FLACC1: variants seen among roughly 807,000 people sequenced by gnomAD.
The protein encoded by FLACC1 is flagellum associated containing coiled-coil domains 1.
A neutral mutation model predicts 62.8 loss-of-function variants in FLACC1; 66 were observed. The observed-to-expected ratio is 1.05, with a 90% CI of 0.86 to 1.29. FLACC1 has a LOEUF of 1.29. Among genes scored for constraint, FLACC1 ranks in the 50% most tolerant of loss-of-function variants. The pLI is 0.00. For synonymous variants in FLACC1, 156 were observed against 161.0 expected (o/e 0.97, Z 0.24); for missense variants, 452 against 489.1 (o/e 0.92, Z 0.71).
chr2:201,315,664 A>G (rs1419729391), intron 9 of FLACC1, among the ~76,000 whole-genome samples: 1 of 152,180 alleles, frequency 6.6e-6, no homozygotes, highest in Non-Finnish European at 1.5e-5. Context: ...GAAAGTTAAC[A>G]AAGAAACAAT....
intron 3 of FLACC1, among the ~76,000 whole-genome samples, 155 bp from the exon 4 acceptor site, chr2:201,348,457 G>A (rs904171863): frequency 2.0e-5 from 3 of 152,100 alleles, no homozygotes; most frequent in South Asian, 2.1e-4. Flanking sequence ...CACTGAAGCC[G>A]GGCTCCTGAG....
In FLACC1 at chr2:201,346,551, C is replaced by A; in HGVS notation, c.359G>T (p.Arg120Ile). The A allele has an allele frequency of 6.2e-7, 1 of 1,613,960 alleles. No homozygotes were observed. Among genetic ancestry groups the A allele is most frequent in the Non-Finnish European group, 8.5e-7 (1 of 1,179,970 alleles). ...GCTGCAACAGCATTACCTGGAAAAT[C>A]TGCCTTTGTCCGGGATCTCCGATTC... ...RWESEIPDKG[R>I]FSRTNIISDL... The change falls in exon 5 of 15, where the codon AGA becomes ATA. Residue 120 changes from arginine to isoleucine, a missense_variant. By Grantham distance (97) the Arg-to-Ile change is moderately conservative. Coordinates refer to ENST00000392257, the MANE Select transcript of FLACC1 (RefSeq NM_001127391.3). The surrounding 1 kb of genome is among the most constrained non-coding windows in gnomAD (Gnocchi z 4.0).
intron 9 of FLACC1, among the ~76,000 whole-genome samples, chr2:201,315,775 C>T (rs1003542334): frequency 2.6e-5 from 4 of 152,120 alleles, no homozygotes; most frequent in Non-Finnish European, 4.4e-5. Flanking sequence ...GCATATGGAA[C>T]TTTCTCCCAG....
rs1003863443 is a variant in FLACC1, at chr2:201,289,696, C to T, written c.1032G>A (p.Glu344=). ...CATCCCCACTCCAGTAGGGACTCAC[C>T]TCTTTCTGGAGTTCCAACTGGGTAT... The part of the protein sequence containing the change: ...LYYTQLELQK[E]KAIVGNLEKM... Residue 344 remains glutamate (E), a splice_region_variant and synonymous_variant, in exon 13 of 15, where the codon GAG becomes GAA. Transcript: ENST00000392257. The T allele has an allele frequency of 9.9e-6, 16 of 1,613,456 alleles. No homozygotes were observed. Among genetic ancestry groups the T allele is most frequent in the Non-Finnish European group, 1.3e-5 (15 of 1,179,708 alleles).
chr2:201,308,161 G>GT (rs1459821816), intron 10 of FLACC1, among the ~76,000 whole-genome samples: 2 of 152,206 alleles, frequency 1.3e-5, no homozygotes, highest in East Asian at 3.9e-4. Flanking sequence ...GTCTGACAGC[G>GT]TAAGCCTCTG....
intron 9 of FLACC1, among the ~76,000 whole-genome samples, chr2:201,314,802 T>TGTA (rs967293067): frequency 2.1e-4 from 32 of 152,228 alleles, no homozygotes; most frequent in Admixed American, 1.3e-3. Flanking sequence ...CCAGGTAACC[T>TGTA]GTAAAGGAAA....
intron 7 of FLACC1, among the ~76,000 whole-genome samples, chr2:201,339,215 C>T (rs1286320195): frequency 6.6e-6 from 1 of 152,040 alleles, no homozygotes; most frequent in African/African-American, 2.4e-5. Context: ...TATAGTTGTT[C>T]ATAATAGTCT....
the FLACC1 span, among the ~76,000 whole-genome samples, chr2:201,362,553 T>C: frequency 1.3e-5 from 2 of 152,122 alleles, no homozygotes; most frequent in African/African-American, 2.4e-5. Context: ...AGTGAAGCCC[T>C]AGTACATGGG....
chr2:201,322,200 C>T (rs981521439), intron 9 of FLACC1, among the ~76,000 whole-genome samples: 7 of 148,988 alleles, frequency 4.7e-5, no homozygotes, highest in South Asian at 4.3e-4. Flanking sequence ...ACCCAGGAGG[C>T]GGAGATTGCA....
chr2:201,338,851 G>A (rs1405106004), intron 7 of FLACC1, among the ~76,000 whole-genome samples: 1 of 152,180 alleles, frequency 6.6e-6, no homozygotes, highest in East Asian at 1.9e-4. Context: ...GTTCATCAGA[G>A]ATATTGATCC....
chr2:201,311,170 A>G (rs1950210549), intron 9 of FLACC1, among the ~76,000 whole-genome samples: 1 of 151,984 alleles, frequency 6.6e-6, no homozygotes. Flanking sequence ...AAAAAAAAAA[A>G]AAATCCTGGG....
At chr2:201,293,750 A>G (rs1472296227) in intron 12 of FLACC1, among the ~76,000 whole-genome samples, 1 of 152,160 alleles carries the variant, frequency 6.6e-6, no homozygotes, top group Non-Finnish European at 1.5e-5. Context: ...TTTTGAAAAG[A>G]TCAACAAAAT....
chr2:201,321,833 TC>T (rs1950409550), intron 9 of FLACC1, among the ~76,000 whole-genome samples: 1 of 152,108 alleles, frequency 6.6e-6, no homozygotes, highest in Admixed American at 6.5e-5. Flanking sequence ...AACTCACTCC[TC>T]CAGCCACCTC....
At chr2:201,352,908 G>A (rs1363694073) in intron 1 of FLACC1, among the ~76,000 whole-genome samples, 1 of 152,188 alleles carries the variant, frequency 6.6e-6, no homozygotes, top group African/African-American at 2.4e-5. Flanking sequence ...AAAGGTCCAG[G>A]AGCCAAGGAA....
intron 12 of FLACC1, among the ~76,000 whole-genome samples, chr2:201,297,678 T>C (rs1949894086): frequency 6.6e-6 from 1 of 152,166 alleles, no homozygotes; most frequent in African/African-American, 2.4e-5. Context: ...AGAAGTCAGG[T>C]TGAGGTGTAA....
In FLACC1 at chr2:201,299,314, T is replaced by G. The variant is rs1010853294; in HGVS notation, c.880-14A>C. ...TTTCAAGAGCTCCTAAAAACAATTT[T>G]ATTGGGAAAAGGTTAGCACTGTGGT... On this transcript the variant is annotated splice_polypyrimidine_tract_variant and intron_variant, in intron 11 of 14. Coordinates refer to ENST00000392257, the MANE Select transcript of FLACC1 (RefSeq NM_001127391.3). The G allele has an allele frequency of 1.9e-6, 3 of 1,612,688 alleles. No individual in the cohort carries two copies. The Admixed American group carries it at 5.0e-5, about 27-fold the overall frequency.
At chr2:201,324,658 C>T (rs1950468545) in intron 9 of FLACC1, among the ~76,000 whole-genome samples, 1 of 152,218 alleles carries the variant, frequency 6.6e-6, no homozygotes, top group South Asian at 2.1e-4. Context: ...TATGAAGTAT[C>T]TTCTCAGGCC....
chr2:201,359,211 G>A (rs1003261504), upstream of FLACC1, among the ~76,000 whole-genome samples: 1 of 152,220 alleles, frequency 6.6e-6, no homozygotes, highest in Non-Finnish European at 1.5e-5. Flanking sequence ...TGAGTTGACC[G>A]TGGTGCCATT....
At chr2:201,303,533 T>A (rs957520223) in intron 11 of FLACC1, among the ~76,000 whole-genome samples, 1 of 152,230 alleles carries the variant, frequency 6.6e-6, no homozygotes, top group Non-Finnish European at 1.5e-5. Flanking sequence ...CCTTTGAAAC[T>A]ATTGCAATCA....
Sources: allele counts gnomAD v4.1 joint callset (sites outside exome capture counted in the v4.1 genomes callset), GRCh38; gene constraint gnomAD v4.1.1; non-coding constraint Gnocchi (gnomAD v3.1); transcripts MANE v1.5; gene names NCBI Gene and HGNC (gene_info 2026-07-23, HGNC 2026-07-21).